The following MYO9B variants were observed in gnomAD, a reference collection of about 807,000 sequenced individuals.
MYO9B encodes unconventional myosin-IXb.
MYO9B carries 71 observed loss-of-function variants against 229.5 expected under a neutral mutation model. The ratio of observed to expected loss-of-function variants is 0.31; its 90% CI spans 0.26 to 0.38. The LOEUF (loss-of-function observed/expected upper bound fraction) is 0.38, where lower values mean the gene tolerates loss of function less well. MYO9B is among the 10% of genes least tolerant of loss of function. The pLI is 1.00. For synonymous variants in MYO9B, 1,185 were observed against 1,235.8 expected (o/e 0.96, Z 0.86); for missense variants, 2,255 against 2,920.5 (o/e 0.77, Z 5.25).
chr19:17,176,708 C>G (rs146920748), intron 14 of MYO9B, among the ~76,000 whole-genome samples: 36 of 152,236 alleles, frequency 2.4e-4, no homozygotes, highest in African/African-American at 8.4e-4. Flanking sequence ...TGCGGAGAGA[C>G]GGGCTTGATT....
intron 18 of MYO9B, among the ~76,000 whole-genome samples, chr19:17,186,332 C>T (rs2072919291): frequency 6.6e-6 from 1 of 152,188 alleles, no homozygotes; most frequent in African/African-American, 2.4e-5. Context: ...GTCTCAGAGG[C>T]ACACACAGCC....
chr19:17,150,337 G>A (rs1268371966), intron 3 of MYO9B, among the ~76,000 whole-genome samples: 4 of 152,108 alleles, frequency 2.6e-5, no homozygotes, highest in African/African-American at 9.7e-5. Context: ...GAACATGGGA[G>A]GCAGAAGTTG....
intron 2 of MYO9B, among the ~76,000 whole-genome samples, chr19:17,124,446 G>C (rs1369685208): frequency 6.6e-6 from 1 of 152,078 alleles, no homozygotes; most frequent in Admixed American, 6.6e-5. Flanking sequence ...TTTTTTTAAA[G>C]TAAACTTATA....
In MYO9B at chr19:17,212,448, G is replaced by A. The variant is rs142487463; in HGVS notation, c.*138G>A. ...TCAAGAGTGACGTGAGGTGGGCACC[G>A]GCCCCAAGTGCAGAGTCAAGGCAGG... On this transcript the variant is annotated 3_prime_UTR_variant, in exon 40 of 40. Coordinates refer to ENST00000682292, the MANE Select transcript of MYO9B (RefSeq NM_004145.4). This position sits in a 1 kb window ranked among gnomAD's most constrained non-coding sequence, Gnocchi z 5.4. 8.7e-4 allele frequency: 951 copies of A among 1,098,928 alleles called. 9 individuals carry two copies. In the African/African-American group the frequency reaches 0.014, roughly 16 times the overall value. The allele number at this position is 1,098,928 out of a possible 1,614,324, so 68.1% of individuals were successfully genotyped here.
rs1466527037 is a variant in MYO9B, at chr19:17,198,217, G to T, written c.4147G>T (p.Ala1383Ser). The T allele has an allele frequency of 6.2e-7, 1 of 1,613,930 alleles. No homozygotes were observed. Among genetic ancestry groups the T allele is most frequent in the South Asian group, 1.1e-5 (1 of 91,082 alleles). The change falls in exon 24 of 40, where the codon GCG (alanine) becomes TCG (serine). Residue 1383 changes from alanine (A) to serine (S), a missense_variant. Ala to Ser is a moderately conservative substitution (Grantham distance 99). Transcript: ENST00000682292. ...AAETTDGERS[A>S]KKPAVQKKKP... ...AGAAACCACGGACGGAGAGCGAAGT[G>T]CGAAAAAGCCAGCTGTCCAGAAGAA...
At position 17,212,443 on chromosome 19, in the gene MYO9B, G is replaced by A; in HGVS notation, c.*133G>A. 1 of 1,148,292 alleles carries A rather than the reference G, an allele frequency of 8.7e-7. No individual in the cohort carries two copies. The highest frequency in any genetic ancestry group is 1.2e-6 in the Non-Finnish European group (1 of 860,132). The allele number at this position is 1,148,292 out of a possible 1,614,324, so 71.1% of individuals were successfully genotyped here. On this transcript the variant is annotated 3_prime_UTR_variant, in exon 40 of 40. Transcript: ENST00000682292. This position sits in a 1 kb window ranked among gnomAD's most constrained non-coding sequence, Gnocchi z 5.4. ...AAAGCTCAAGAGTGACGTGAGGTGG[G>A]CACCGGCCCCAAGTGCAGAGTCAAG... is the stretch of plus-strand genomic sequence containing the variant.
At chr19:17,179,955 C>A (rs1046306763) in intron 14 of MYO9B, among the ~76,000 whole-genome samples, 1 of 151,408 alleles carries the variant, frequency 6.6e-6, no homozygotes, top group Non-Finnish European at 1.5e-5. Context: ...ATATCCCCAG[C>A]CAGGCGCGGT....
rs1055512050 is a variant in MYO9B at position 17,212,695 on chromosome 19, C to T, written c.*385C>T. 7.0e-5 allele frequency: 13 copies of T among 185,046 alleles called. No homozygotes were observed. The highest frequency in any genetic ancestry group is 1.5e-4 in the East Asian group (1 of 6,694). The allele number at this position is 185,046 out of a possible 1,614,324, so 11.5% of individuals were successfully genotyped here. On this transcript the variant is annotated 3_prime_UTR_variant, in exon 40 of 40. Coordinates refer to ENST00000682292, the MANE Select transcript of MYO9B (RefSeq NM_004145.4). The surrounding 1 kb of genome is among the most constrained non-coding windows in gnomAD (Gnocchi z 5.4). ...GTGTATGTACAAAGTTTTCTATTAA[C>T]GCTGCCCGTCTCCCTTATAACCTGG...
chr19:17,176,940 C>T (rs570567639), intron 14 of MYO9B, among the ~76,000 whole-genome samples: 2 of 152,312 alleles, frequency 1.3e-5, no homozygotes, highest in Admixed American at 1.3e-4. Flanking sequence ...ATGGTGCACG[C>T]CTGTAATCCC....
At chr19:17,127,451 C>T (rs1259609636) in intron 2 of MYO9B, among the ~76,000 whole-genome samples, 1 of 151,672 alleles carries the variant, frequency 6.6e-6, no homozygotes, top group African/African-American at 2.4e-5. Context: ...CTCAGCCTCC[C>T]GAGTAGCTAG....
In MYO9B at chr19:17,172,715, G is replaced by A. The variant is rs2072738307; in HGVS notation, c.1936-44G>A. The A allele has an allele frequency of 1.2e-6, 2 of 1,601,630 alleles. No homozygotes were observed. Among genetic ancestry groups the A allele is most frequent in the African/African-American group, 1.3e-5 (1 of 74,716 alleles). On this transcript the variant is annotated intron_variant, in intron 12 of 39. Coordinates refer to ENST00000682292, the MANE Select transcript of MYO9B (RefSeq NM_004145.4). The surrounding 1 kb of genome is among the most constrained non-coding windows in gnomAD (Gnocchi z 8.2). ...CCCGGGGTCTTTGGTAGGCGCCGGT[G>A]AGTGACTATCCCCGAGTGACCGCCC...
intron 19 of MYO9B, among the ~76,000 whole-genome samples, chr19:17,189,444 T>A (rs1001402809): frequency 3.7e-5 from 5 of 136,176 alleles, no homozygotes; most frequent in Non-Finnish European, 7.7e-5. Flanking sequence ...AAAATCAGTC[T>A]AGGCAACATG....
chr19:17,146,162 GATGGA>G (rs2072407716), intron 3 of MYO9B, among the ~76,000 whole-genome samples: 1 of 23,462 alleles, frequency 4.3e-5, no homozygotes, highest in African/African-American at 2.4e-4. Context: ...TGGGTGGATA[GATGGA>G]TGGATGGATG....
rs770327871 is a variant in MYO9B, at chr19:17,162,461, G to A, written c.1531G>A (p.Val511Ile). ...CAACAAGAAGGACGTGGAAGAGGCA[G>A]TCTCGGTGAGTGCCCCCATTTGCTT... ...LLNKKDVEEA[V>I]SCLSIGVLDI... Residue 511 changes from valine (V) to isoleucine (I), a missense_variant, in exon 9 of 40, where the codon GTC becomes ATC. Val to Ile is a conservative substitution (Grantham distance 29). Around this residue, in one of 7 missense-constraint regions of MYO9B, gnomAD observed 220 missense variants for 404.5 expected, o/e 0.54. Coordinates refer to ENST00000682292, the MANE Select transcript of MYO9B (RefSeq NM_004145.4). 1.3e-6 allele frequency: 2 copies of A among 1,559,564 alleles called. No individual in the cohort carries two copies. Among genetic ancestry groups the A allele is most frequent in the Middle Eastern group, 1.7e-4 (1 of 6,006 alleles).
At chr19:17,160,676 T>G (rs1364377397) in intron 8 of MYO9B, among the ~76,000 whole-genome samples, 6 of 151,500 alleles carry the variant, frequency 4.0e-5, no homozygotes, top group African/African-American at 7.3e-5. Flanking sequence ...CCTGGCTAAT[T>G]TTTTTTGCAT....
Position 17,192,531 on chromosome 19 carries a change from G to A in MYO9B, c.2812-215G>A, listed in dbSNP as rs941218149. Among the ~76,000 whole-genome samples, 5 of 152,160 alleles carry A rather than the reference G, an allele frequency of 3.3e-5. No individual in the cohort carries two copies. In the South Asian group the frequency reaches 1.0e-3, roughly 32 times the overall value. On this transcript the variant is annotated intron_variant, in intron 20 of 39. Coordinates refer to ENST00000682292, the MANE Select transcript of MYO9B (RefSeq NM_004145.4). Reference sequence around the variant, plus strand: ...AATCACTTCAACCCAGTAGGCGGAGGTTGCAGTGAGCCGAGATCATGCCAC... The same window carrying A: ...AATCACTTCAACCCAGTAGGCGGAGATTGCAGTGAGCCGAGATCATGCCAC...
intron 4 of MYO9B, 124 bp downstream of exon 4, chr19:17,152,830 C>T: frequency 1.3e-6 from 1 of 797,272 alleles, no homozygotes; most frequent in South Asian, 1.7e-5. Flanking sequence ...CGTGGAGGCT[C>T]TCACAGGAGC....
intron 28 of MYO9B, 21 bp from the exon 29 acceptor site, chr19:17,202,818 ACCT>A (rs1009327142): frequency 1.9e-6 from 3 of 1,578,080 alleles, no homozygotes; most frequent in African/African-American, 2.7e-5. Flanking sequence ...GCCCCCGCCA[ACCT>A]CCTCCTTGTG....
intron 7 of MYO9B, among the ~76,000 whole-genome samples, chr19:17,158,552 G>A (rs1382793638): frequency 2.6e-5 from 4 of 151,398 alleles, no homozygotes; most frequent in South Asian, 2.1e-4. Context: ...CCAAGATTGC[G>A]CCACTGCACT....
Sources: allele counts gnomAD v4.1 joint callset (sites outside exome capture counted in the v4.1 genomes callset), GRCh38; gene constraint gnomAD v4.1.1; regional missense constraint gnomAD v4.1.1; non-coding constraint Gnocchi (gnomAD v3.1); transcripts MANE v1.5; gene names NCBI Gene and HGNC (gene_info 2026-07-23, HGNC 2026-07-21).